Variants in GRIP1 observed in about 807,000 individuals in gnomAD.
GRIP1 encodes the protein glutamate receptor-interacting protein 1.
A neutral mutation model predicts 129.9 loss-of-function variants in GRIP1; 45 were observed. That is an observed-to-expected ratio of 0.35 (90% confidence interval 0.27 to 0.44). GRIP1 has a LOEUF of 0.44. GRIP1 is among the 20% of genes least tolerant of loss of function. The pLI is 1.00. For synonymous variants in GRIP1, 530 were observed against 520.8 expected, an observed-to-expected ratio of 1.02 and a Z score of -0.24; for missense variants, 1,196 against 1,396.8, an observed-to-expected ratio of 0.86 and a Z score of 2.29.
Position 66,737,455 on chromosome 12 carries a change from T to G in GRIP1, c.-420+66598A>C, listed in dbSNP as rs2036643142. ...TGTGCCACCATACCCAGATAATTTTTGTATTTTTAATAGAGAAGGAGCTTC... is the reference window on the plus strand; with the variant it reads ...TGTGCCACCATACCCAGATAATTTTGGTATTTTTAATAGAGAAGGAGCTTC... On this transcript the variant is annotated intron_variant, in intron 1 of 4. Coordinates refer to the GRIP1 transcript ENST00000538373. Among the ~76,000 whole-genome samples, 2 of 152,152 alleles carry G rather than the reference T, an allele frequency of 1.3e-5. 1 individual carries two copies. Among genetic ancestry groups the G allele is most frequent in the South Asian group, 4.1e-4 (2 of 4,830 alleles).
At chr12:66,608,787 C>T (rs148183545) in intron 1 of GRIP1, among the ~76,000 whole-genome samples, 1,993 of 152,104 alleles carry the variant, frequency 0.013, 49 homozygotes, top group African/African-American at 0.046. Context: ...CATAGGATTG[C>T]TGTGAGGATT....
chr12:66,529,498 G>T (rs1342636078), intron 5 of GRIP1, among the ~76,000 whole-genome samples: 1 of 152,186 alleles, frequency 6.6e-6, no homozygotes, highest in Non-Finnish European at 1.5e-5. Flanking sequence ...AATCTGGATG[G>T]AATTGGAGAC....
At position 66,476,212 on chromosome 12, in the gene GRIP1, G is replaced by C. The variant is rs188201575; in HGVS notation, c.725-10790C>G. 8.7e-3 allele frequency among the ~76,000 whole-genome samples: 1,328 copies of C among 152,048 alleles called. 15 individuals carry two copies. The highest frequency in any genetic ancestry group is 0.029 in the African/African-American group (1,193 of 41,508). ...ACCACCGATCCCACAGAAATACAAA[G>C]TACCATCAGAGAATACTATAAACAC... On this transcript the variant is annotated intron_variant, in intron 7 of 24. Coordinates refer to ENST00000359742, the MANE Select transcript of GRIP1 (RefSeq NM_001366722.1).
intron 23 of GRIP1, among the ~76,000 whole-genome samples, chr12:66,354,766 T>G (rs1226910806): frequency 6.6e-6 from 1 of 152,222 alleles, no homozygotes; most frequent in Non-Finnish European, 1.5e-5. Flanking sequence ...TATCTTTGTT[T>G]ATATCCAGTG....
intron 7 of GRIP1, among the ~76,000 whole-genome samples, chr12:66,466,497 T>C (rs1466675097): frequency 6.6e-6 from 1 of 152,180 alleles, no homozygotes; most frequent in Non-Finnish European, 1.5e-5. Flanking sequence ...AATTAAAACA[T>C]CTGGATTCAA....
At chr12:66,748,351 G>A (rs2037018554) in intron 1 of GRIP1, among the ~76,000 whole-genome samples, 1 of 152,146 alleles carries the variant, frequency 6.6e-6, no homozygotes, top group African/African-American at 2.4e-5. Context: ...GAGTCTGGGT[G>A]CAAATCCTGG....
intron 2 of GRIP1, among the ~76,000 whole-genome samples, chr12:66,548,615 C>A (rs1176459198): frequency 6.6e-6 from 1 of 152,060 alleles, no homozygotes; most frequent in Non-Finnish European, 1.5e-5. Flanking sequence ...ACATGGACAC[C>A]AGACATATTA....
intron 1 of GRIP1, among the ~76,000 whole-genome samples, chr12:66,693,335 C>T (rs570113311): frequency 1.3e-5 from 2 of 152,140 alleles, no homozygotes; most frequent in African/African-American, 4.8e-5. Flanking sequence ...TGTGGATTCT[C>T]TTTAAAAATC....
intron 1 of GRIP1, among the ~76,000 whole-genome samples, chr12:66,946,776 GGT>G (rs2041675651): frequency 9.2e-6 from 1 of 109,046 alleles, no homozygotes; most frequent in Non-Finnish European, 1.8e-5. Context: ...CGGGGGGTGG[GGT>G]GGGGGATGGG....
At chr12:66,677,459 G>C (rs1319581351) in intron 1 of GRIP1, among the ~76,000 whole-genome samples, 1 of 151,982 alleles carries the variant, frequency 6.6e-6, no homozygotes, top group Non-Finnish European at 1.5e-5. Context: ...TCAGAATAAG[G>C]GCCTGCCTTT....
chr12:67,008,991 T>C (rs1372226974), intron 1 of GRIP1, among the ~76,000 whole-genome samples: 2 of 152,066 alleles, frequency 1.3e-5, no homozygotes, highest in Non-Finnish European at 1.5e-5. Context: ...TGAGGTAAAA[T>C]GTGTTTCAAG....
chr12:67,052,962 C>G (rs1049838858), intron 1 of GRIP1, among the ~76,000 whole-genome samples: 1 of 152,146 alleles, frequency 6.6e-6, no homozygotes, highest in Non-Finnish European at 1.5e-5. Context: ...GCCCAAATCT[C>G]TATCCTAAAA....
intron 7 of GRIP1, among the ~76,000 whole-genome samples, chr12:66,476,294 C>G (rs771570737): frequency 1.3e-5 from 2 of 152,178 alleles, no homozygotes; most frequent in Admixed American, 6.5e-5. Context: ...TGGACACATA[C>G]ACCCTCCCAA....
intron 1 of GRIP1, among the ~76,000 whole-genome samples, chr12:66,875,461 T>C (rs1288825897): frequency 6.6e-6 from 1 of 152,086 alleles, no homozygotes; most frequent in Non-Finnish European, 1.5e-5. Flanking sequence ...TTCATGCAAG[T>C]TCCTTTGTGG....
intron 1 of GRIP1, among the ~76,000 whole-genome samples, chr12:67,059,887 G>C (rs979571916): frequency 1.8e-4 from 27 of 152,284 alleles, no homozygotes; most frequent in African/African-American, 5.5e-4. Context: ...AAATGAGAGT[G>C]GGTGTTTAGA....
At chr12:66,821,207 G>T (rs963261993) in intron 1 of GRIP1, among the ~76,000 whole-genome samples, 1 of 152,060 alleles carries the variant, frequency 6.6e-6, no homozygotes, top group Non-Finnish European at 1.5e-5. Flanking sequence ...AATCAACCTA[G>T]CCCTTTTCTA....
chr12:66,756,669 C>T (rs774039956), intron 1 of GRIP1, among the ~76,000 whole-genome samples: 7 of 152,152 alleles, frequency 4.6e-5, no homozygotes, highest in Non-Finnish European at 1.0e-4. Context: ...TAGCATTAAG[C>T]TCTTTGAGCC....
chr12:66,922,304 G>T (rs2041226322), intron 1 of GRIP1, among the ~76,000 whole-genome samples: 1 of 152,200 alleles, frequency 6.6e-6, no homozygotes, highest in African/African-American at 2.4e-5. Context: ...GAGTGAGGAG[G>T]TAGAGAGGAA....
intron 15 of GRIP1, 73 bp from the exon 16 acceptor site, chr12:66,406,501 A>T: frequency 1.5e-6 from 2 of 1,357,876 alleles, no homozygotes; most frequent in Non-Finnish European, 2.1e-6. Context: ...GGCATTAAGC[A>T]TAATGCAGCA....
Sources: gnomAD v4.1 joint callset for allele counts (sites outside exome capture counted in the v4.1 genomes callset) on GRCh38, gnomAD v4.1.1 for gene constraint, MANE v1.5 for transcripts, NCBI Gene and HGNC (gene_info 2026-07-23, HGNC 2026-07-21) for gene names.